Variants in PAK2 observed in about 807,000 individuals in gnomAD.
PAK2 encodes the protein p21 (RAC1) activated kinase 2, also known as serine/threonine-protein kinase PAK 2.
A neutral mutation model predicts 65.9 loss-of-function variants in PAK2; 21 were observed. The observed-to-expected ratio is 0.32, with a 90% CI of 0.23 to 0.46. The LOEUF is 0.46. Among genes scored for constraint, PAK2 ranks in the 20% least tolerant of loss-of-function variants. The pLI, the probability that PAK2 is intolerant of heterozygous loss-of-function variation, is 1.00. For synonymous variants in PAK2, 204 were observed against 219.7 expected (o/e 0.93, Z 0.63); for missense variants, 324 against 642.6 (o/e 0.50, Z 5.36).
intron 11 of PAK2, among the ~76,000 whole-genome samples, chr3:196,814,841 C>G (rs1489337744): frequency 6.6e-6 from 1 of 152,092 alleles, no homozygotes; most frequent in African/African-American, 2.4e-5. Context: ...CATTTACCAT[C>G]CAAACAGGAC....
chr3:196,791,101 A>G lies in PAK2; in HGVS notation c.187+8268A>G, dbSNP rs1017850222. Among the ~76,000 whole-genome samples, 2 of 152,070 alleles carry G rather than the reference A, an allele frequency of 1.3e-5. No homozygotes were observed. Among genetic ancestry groups the G allele is most frequent in the Non-Finnish European group, 2.9e-5 (2 of 68,002 alleles). On this transcript the variant is annotated intron_variant, in intron 2 of 14. Coordinates refer to ENST00000327134, the MANE Select transcript of PAK2 (RefSeq NM_002577.4). The surrounding 1 kb of genome is among the most constrained non-coding windows in gnomAD (Gnocchi z 4.0). ...TGACTGAACCCCCACATCTACATAAATTTATTGTGATTGGCCCTCTATTTC... is the reference window on the plus strand; with the variant it reads ...TGACTGAACCCCCACATCTACATAAGTTTATTGTGATTGGCCCTCTATTTC...
intron 1 of PAK2, among the ~76,000 whole-genome samples, chr3:196,777,456 G>T (rs940961714): frequency 6.6e-6 from 1 of 152,124 alleles, no homozygotes; most frequent in African/African-American, 2.4e-5. Context: ...CCCCGACCTT[G>T]GCCTCCCAAA....
intron 1 of PAK2, among the ~76,000 whole-genome samples, chr3:196,748,076 A>G (rs1713450309): frequency 6.6e-6 from 1 of 152,044 alleles, no homozygotes; most frequent in Non-Finnish European, 1.5e-5. Flanking sequence ...TGTTTTACAG[A>G]GCTTTGAACA....
intron 1 of PAK2, among the ~76,000 whole-genome samples, chr3:196,766,131 A>G (rs1478644933): frequency 6.6e-6 from 1 of 152,004 alleles, no homozygotes; most frequent in Non-Finnish European, 1.5e-5. Context: ...TCCTGATCTC[A>G]TGATCCGCCC....
rs1284202118 is a variant in PAK2 at position 196,759,523 on chromosome 3, T to G, written c.-22+19366T>G. ...GTTTTTTTTTTTTTTTTTTTTTTTT[T>G]TTTTTTTTTTTTTTGAGATAGAGTC... On this transcript the variant is annotated intron_variant, in intron 1 of 14. Transcript: ENST00000327134. 5.3e-3 allele frequency among the ~76,000 whole-genome samples: 698 copies of G among 131,968 alleles called. 7 individuals carry two copies. The highest frequency in any genetic ancestry group is 0.015 in the African/African-American group (535 of 35,194). 86.6% of individuals were successfully genotyped at this position (131,968 alleles called of 152,430 possible). A position where few individuals can be genotyped will look rare whatever the true frequency, so the allele number is the denominator to read the frequency against.
intron 1 of PAK2, among the ~76,000 whole-genome samples, chr3:196,757,596 TA>T (rs113085048): frequency 0.018 from 2,806 of 152,174 alleles, 75 homozygotes; most frequent in African/African-American, 0.063. Context: ...AAAAAAAAAT[TA>T]ACCCCAAACC....
At chr3:196,780,127 A>G (rs1714660139) in intron 1 of PAK2, among the ~76,000 whole-genome samples, 1 of 152,354 alleles carries the variant, frequency 6.6e-6, no homozygotes, top group African/African-American at 2.4e-5. Context: ...CTGGTTAGGA[A>G]GAATCATTTT....
intron 2 of PAK2, among the ~76,000 whole-genome samples, chr3:196,785,486 C>A (rs1714856606): frequency 6.6e-6 from 1 of 152,260 alleles, no homozygotes; most frequent in South Asian, 2.1e-4. Context: ...CCCTCAGCAA[C>A]TCTGGGAGGG....
At chr3:196,747,557 A>G (rs1001647533) in intron 1 of PAK2, among the ~76,000 whole-genome samples, 1 of 152,148 alleles carries the variant, frequency 6.6e-6, no homozygotes, top group Non-Finnish European at 1.5e-5. Flanking sequence ...CTTTTAAAAT[A>G]TCTTTTAAAC....
intron 1 of PAK2, among the ~76,000 whole-genome samples, chr3:196,774,166 A>G (rs551407539): frequency 6.6e-6 from 1 of 152,342 alleles, no homozygotes; most frequent in Non-Finnish European, 1.5e-5. Flanking sequence ...TAAAATAACT[A>G]AGGGTTTATA....
intron 2 of PAK2, among the ~76,000 whole-genome samples, chr3:196,783,578 T>TC (rs1242511507): frequency 1.6e-4 from 14 of 87,280 alleles, no homozygotes; most frequent in African/African-American, 5.5e-4. Context: ...TGAGACTCTC[T>TC]CAAAAAAAAA....
chr3:196,816,593 G>A (rs1018259127), intron 11 of PAK2, among the ~76,000 whole-genome samples: 2 of 152,124 alleles, frequency 1.3e-5, no homozygotes, highest in African/African-American at 4.8e-5. Context: ...ATTTTCTGGA[G>A]CTTTGAATCT....
chr3:196,744,701 A>G (rs551584890), intron 1 of PAK2, among the ~76,000 whole-genome samples: 5 of 152,182 alleles, frequency 3.3e-5, no homozygotes, highest in Non-Finnish European at 5.9e-5. Context: ...CTGATCATTA[A>G]GTATTGTTTT....
intron 5 of PAK2, among the ~76,000 whole-genome samples, chr3:196,806,021 C>T (rs1715573886): frequency 6.6e-6 from 1 of 151,912 alleles, no homozygotes; most frequent in South Asian, 2.1e-4. Context: ...ACTCCATTCT[C>T]CTGCCTCAGC....
chr3:196,788,773 G>A (rs1577722583), intron 2 of PAK2, among the ~76,000 whole-genome samples: 1 of 152,302 alleles, frequency 6.6e-6, no homozygotes, highest in East Asian at 1.9e-4. Flanking sequence ...TTCCATGCCC[G>A]GGAAGAGCCT....
intron 12 of PAK2, 146 bp downstream of exon 12, chr3:196,818,302 G>A: frequency 1.9e-6 from 1 of 529,358 alleles, no homozygotes; most frequent in African/African-American, 1.9e-5. Context: ...GATCCTCTGA[G>A]GGTTTTAACT....
Position 196,808,291 on chromosome 3 carries a change from G to A in PAK2, c.709+377G>A, listed in dbSNP as rs150210735. On this transcript the variant is annotated intron_variant, in intron 7 of 14. Coordinates refer to ENST00000327134, the MANE Select transcript of PAK2 (RefSeq NM_002577.4). ...AAGATTGCGTCGTTGGGCTGGGCGCGGTGGCTCACGCCTGTAATCCCAGCA... is the reference window on the plus strand; with the variant it reads ...AAGATTGCGTCGTTGGGCTGGGCGCAGTGGCTCACGCCTGTAATCCCAGCA... Among the ~76,000 whole-genome samples the A allele has an allele frequency of 4.7e-3, 716 of 151,366 alleles. 7 individuals are homozygous for A. Among genetic ancestry groups the A allele is most frequent in the African/African-American group, 0.017 (695 of 41,250 alleles).
chr3:196,820,631 C>A lies in PAK2; in HGVS notation c.1350+64C>A. The A allele has an allele frequency of 1.1e-6, 1 of 901,676 alleles. No individual in the cohort carries two copies. Among genetic ancestry groups the A allele is most frequent in the Non-Finnish European group, 1.7e-6 (1 of 592,854 alleles). The allele number at this position is 901,676 out of a possible 1,614,324, so 55.9% of individuals were successfully genotyped here. ...CTTTGAAACTCTTATTTAGAACTTGCACGTGCCTGGCACTGTCCAAGAATT... is the reference window on the plus strand; with the variant it reads ...CTTTGAAACTCTTATTTAGAACTTGAACGTGCCTGGCACTGTCCAAGAATT... On this transcript the variant is annotated intron_variant, in intron 13 of 14. Transcript: ENST00000327134. This position sits in a 1 kb window ranked among gnomAD's most constrained non-coding sequence, Gnocchi z 4.6.
rs1715434172 is a variant in PAK2 at position 196,801,923 on chromosome 3, C to G, written c.188-4C>G. On this transcript the variant is annotated splice_region_variant and splice_polypyrimidine_tract_variant and intron_variant, in intron 2 of 14. Coordinates refer to ENST00000327134, the MANE Select transcript of PAK2 (RefSeq NM_002577.4). The stretch of plus-strand genomic sequence containing the variant: ...TCTTTCTCTTTTTTTCTAATGCCCC[C>G]TAGGAAGTAAAAAGAAAGAAAAGGA... The G allele has an allele frequency of 1.3e-6, 2 of 1,492,982 alleles. No homozygotes were observed. The highest frequency in any genetic ancestry group is 2.3e-5 in the South Asian group (2 of 88,568). 92.5% of individuals were successfully genotyped at this position (1,492,982 alleles called of 1,614,324 possible). A position where few individuals can be genotyped will look rare whatever the true frequency, so the allele number is the denominator to read the frequency against.
Sources: gnomAD v4.1 joint callset for allele counts (sites outside exome capture counted in the v4.1 genomes callset) on GRCh38, gnomAD v4.1.1 for gene constraint, Gnocchi (gnomAD v3.1) non-coding constraint, MANE v1.5 for transcripts, NCBI Gene and HGNC (gene_info 2026-07-23, HGNC 2026-07-21) for gene names.